The following PRKAR1B variants were observed in gnomAD, a reference collection of about 807,000 sequenced individuals.
PRKAR1B encodes protein kinase cAMP-dependent type I regulatory subunit beta, also known as cAMP-dependent protein kinase type I-beta regulatory subunit.
A neutral mutation model predicts 46.5 loss-of-function variants in PRKAR1B; 22 were observed. The ratio of observed to expected loss-of-function variants is 0.47; its 90% CI spans 0.34 to 0.68. The LOEUF (loss-of-function observed/expected upper bound fraction) is 0.68. Among genes scored for constraint, PRKAR1B ranks in the 30% least tolerant of loss-of-function variants. The pLI, the probability that PRKAR1B is intolerant of heterozygous loss-of-function variation, is 0.01. For missense variants in PRKAR1B, 445 were observed against 535.6 expected, an observed-to-expected ratio of 0.83 and a Z score of 1.67; for synonymous variants, 259 against 217.7, an observed-to-expected ratio of 1.19 and a Z score of -1.67.
At chr7:678,491 T>C (rs887612039) in intron 3 of PRKAR1B, among the ~76,000 whole-genome samples, 1 of 152,202 alleles carries the variant, frequency 6.6e-6, no homozygotes, top group African/African-American at 2.4e-5. Context: ...TCTGAAACTC[T>C]GCACCCTTTG....
intron 8 of PRKAR1B, among the ~76,000 whole-genome samples, chr7:580,421 G>A (rs899836879): frequency 1.3e-5 from 2 of 151,718 alleles, no homozygotes; most frequent in African/African-American, 2.4e-5. Context: ...AATAATACAT[G>A]AATAACAAAA....
chr7:664,786 C>T (rs1027608267), intron 4 of PRKAR1B, among the ~76,000 whole-genome samples: 10 of 151,704 alleles, frequency 6.6e-5, no homozygotes, highest in South Asian at 2.1e-4. Context: ...TGGTGGTGCA[C>T]GCCTGTGGCC....
intron 4 of PRKAR1B, among the ~76,000 whole-genome samples, chr7:660,193 G>A (rs942409081): frequency 2.0e-5 from 3 of 151,920 alleles, no homozygotes; most frequent in Admixed American, 6.6e-5. Flanking sequence ...TCCATGTTCC[G>A]GGTTCTGGTT....
intron 2 of PRKAR1B, among the ~76,000 whole-genome samples, chr7:701,300 A>AAAAG (rs372464273): frequency 7.2e-5 from 10 of 139,744 alleles, no homozygotes; most frequent in South Asian, 2.1e-4. Context: ...GAAAGAAAGA[A>AAAAG]AAAGAAAGAA....
At chr7:718,685 C>T (rs1780969572) in intron 1 of PRKAR1B, among the ~76,000 whole-genome samples, 3 of 151,818 alleles carry the variant, frequency 2.0e-5, no homozygotes, top group Admixed American at 2.0e-4. Flanking sequence ...AGAAAATGTG[C>T]CTTCATTATC....
At position 606,219 on chromosome 7, in the gene PRKAR1B, A is replaced by C. The variant is rs1486008794; in HGVS notation, c.523T>G (p.Tyr175Asp). The C allele has an allele frequency of 1.2e-6, 2 of 1,614,012 alleles. No homozygotes were observed. Among genetic ancestry groups the C allele is most frequent in the Non-Finnish European group, 1.7e-6 (2 of 1,179,882 alleles). ...IQQGNEGDNF[Y>D]VVDQGEVDVY... Reference sequence around the variant, plus strand: ...TCCACTTCCCCTTGATCAACGACATAGAAGTTGTCTCCTTCATTCCCTGTA... The same window carrying C: ...TCCACTTCCCCTTGATCAACGACATCGAAGTTGTCTCCTTCATTCCCTGTA... The change falls in exon 6 of 11, where the codon TAT (tyrosine) becomes GAT (aspartate). Residue 175 changes from tyrosine to aspartate, a missense_variant. Tyr to Asp is a radical substitution (Grantham distance 160). This residue lies in a region of PRKAR1B where 94 missense variants were observed against 126.9 expected (regional missense o/e 0.74). Transcript: ENST00000537384.
intron 7 of PRKAR1B, 65 bp downstream of exon 7, chr7:596,081 G>A: frequency 6.4e-7 from 1 of 1,566,536 alleles, no homozygotes; most frequent in Non-Finnish European, 8.7e-7. Context: ...AATAGAGCTA[G>A]GGTTCCCAGG....
At chr7:652,298 G>A (rs1425445631) in intron 4 of PRKAR1B, among the ~76,000 whole-genome samples, 39 of 89,158 alleles carry the variant, frequency 4.4e-4, no homozygotes, top group Middle Eastern at 9.3e-3. Flanking sequence ...TCACACCCAC[G>A]CAGCGCTAGG....
At chr7:640,813 C>T (rs986771261) in intron 4 of PRKAR1B, among the ~76,000 whole-genome samples, 2 of 139,514 alleles carry the variant, frequency 1.4e-5, no homozygotes, top group Non-Finnish European at 3.1e-5. Context: ...CACACAGACA[C>T]AAATGAAATA....
chr7:659,726 G>C (rs1344276473), intron 4 of PRKAR1B, among the ~76,000 whole-genome samples: 3 of 152,088 alleles, frequency 2.0e-5, no homozygotes, highest in South Asian at 4.1e-4. Flanking sequence ...TTTTGTTTTT[G>C]TTTTTGAGAC....
At chr7:689,184 C>T (rs200899918) in intron 2 of PRKAR1B, among the ~76,000 whole-genome samples, 2 of 152,000 alleles carry the variant, frequency 1.3e-5, no homozygotes, top group Admixed American at 6.6e-5. Context: ...GGCGCGATCT[C>T]GGCTCACTGC....
In PRKAR1B at chr7:697,922, G is replaced by A. The variant is rs182810201; in HGVS notation, c.177+13407C>T. On this transcript the variant is annotated intron_variant, in intron 2 of 10. Transcript: ENST00000537384. ...GAGAAGGGAAGGGAAGGGAGGGGAGGGGAGGGGAGGGAAGGGAAGGGACGG... is the reference window on the plus strand; with the variant it reads ...GAGAAGGGAAGGGAAGGGAGGGGAGAGGAGGGGAGGGAAGGGAAGGGACGG... Among the ~76,000 whole-genome samples the A allele has an allele frequency of 3.8e-3, 454 of 119,158 alleles. 8 individuals carry two copies. Among genetic ancestry groups the A allele is most frequent in the African/African-American group, 0.015 (428 of 27,970 alleles). 78.2% of individuals were successfully genotyped at this position (119,158 alleles called of 152,430 possible). A position where few individuals can be genotyped will look rare whatever the true frequency, so the allele number is the denominator to read the frequency against.
intron 2 of PRKAR1B, among the ~76,000 whole-genome samples, chr7:700,177 GC>G (rs1462955937): frequency 6.6e-6 from 1 of 152,122 alleles, no homozygotes; most frequent in African/African-American, 2.4e-5. Flanking sequence ...CAGAAAAGGT[GC>G]TGAGGACTGA....
chr7:556,668 G>A (rs1778461950), intron 9 of PRKAR1B, among the ~76,000 whole-genome samples: 2 of 152,188 alleles, frequency 1.3e-5, no homozygotes, highest in Non-Finnish European at 2.9e-5. Context: ...AGGAGGGGCC[G>A]AGGCCAGAGG....
chr7:598,577 C>T (rs1425662807), intron 6 of PRKAR1B, among the ~76,000 whole-genome samples: 1 of 149,840 alleles, frequency 6.7e-6, no homozygotes, highest in African/African-American at 2.5e-5. Flanking sequence ...CCAGCACCCT[C>T]CGCACCAAAC....
intron 2 of PRKAR1B, among the ~76,000 whole-genome samples, chr7:698,925 G>A (rs886378840): frequency 2.0e-5 from 3 of 152,164 alleles, no homozygotes; most frequent in Admixed American, 6.5e-5. Context: ...AGCAGCAGCT[G>A]GTGATTCAGC....
chr7:727,246 C>G lies in PRKAR1B; in HGVS notation c.-59G>C. The G allele has an allele frequency of 7.4e-7, 1 of 1,348,656 alleles. No homozygotes were observed. Among genetic ancestry groups the G allele is most frequent in the Non-Finnish European group, 9.5e-7 (1 of 1,053,254 alleles). The allele number at this position is 1,348,656 out of a possible 1,614,324, so 83.5% of individuals were successfully genotyped here. A position where few individuals can be genotyped will look rare whatever the true frequency, so the allele number is the denominator to read the frequency against. On this transcript the variant is annotated 5_prime_UTR_variant, in exon 1 of 11. Coordinates refer to ENST00000537384, the MANE Select transcript of PRKAR1B (RefSeq NM_001164760.2). ...TCTGCGCGCGCTGCGCTGCTCCCTGCTCGACCCCTTCGCCGCCGTGCGCCG... is the reference window on the plus strand; with the variant it reads ...TCTGCGCGCGCTGCGCTGCTCCCTGGTCGACCCCTTCGCCGCCGTGCGCCG...
chr7:656,226 CTGAA>C (rs1463026216), intron 4 of PRKAR1B, among the ~76,000 whole-genome samples: 1 of 151,680 alleles, frequency 6.6e-6, no homozygotes, highest in Non-Finnish European at 1.5e-5. Context: ...AAATGAGTGA[CTGAA>C]TGGATGGATA....
chr7:552,850 G>T (rs1197111573), intron 9 of PRKAR1B, among the ~76,000 whole-genome samples: 2 of 152,220 alleles, frequency 1.3e-5, no homozygotes. Flanking sequence ...GGAAAGGGGA[G>T]GGGGGCGCTG....
Sources: gnomAD v4.1 joint callset for allele counts (sites outside exome capture counted in the v4.1 genomes callset) on GRCh38, gnomAD v4.1.1 for gene constraint, gnomAD v4.1.1 regional missense constraint, MANE v1.5 for transcripts, NCBI Gene and HGNC (gene_info 2026-07-23, HGNC 2026-07-21) for gene names.